The following TSPAN18 variants were observed in gnomAD, a reference collection of about 807,000 sequenced individuals.
The protein encoded by TSPAN18 is tetraspanin 18, also known as tetraspanin-18.
A neutral mutation model predicts 27.3 loss-of-function variants in TSPAN18; 14 were observed. The ratio of observed to expected loss-of-function variants is 0.51; its 90% CI spans 0.34 to 0.80. TSPAN18 has a LOEUF of 0.80. TSPAN18 is among the 30% of genes least tolerant of loss of function. TSPAN18 has a pLI of 0.01. For missense variants in TSPAN18, 268 were observed against 323.9 expected (o/e 0.83, Z 1.32); for synonymous variants, 143 against 136.5 (o/e 1.05, Z -0.33).
chr11:44,869,238 C>T (rs201752214), intron 3 of TSPAN18, among the ~76,000 whole-genome samples: 6 of 152,156 alleles, frequency 3.9e-5, no homozygotes, highest in African/African-American at 1.4e-4. Context: ...ATACCTGTAG[C>T]GATGGGGAGC....
chr11:44,919,233 C>T lies in TSPAN18; in HGVS notation c.353C>T (p.Thr118Ile), dbSNP rs746040832. The T allele has an allele frequency of 6.2e-7, 1 of 1,614,110 alleles. No individual in the cohort carries two copies. Among genetic ancestry groups the T allele is most frequent in the Non-Finnish European group, 8.5e-7 (1 of 1,179,986 alleles). Residue 118 changes from threonine (T) to isoleucine (I), a missense_variant, in exon 7 of 10, where the codon ACC (threonine) becomes ATC (isoleucine). By Grantham distance (89) the Thr-to-Ile change is moderately conservative. Coordinates refer to ENST00000520358, the MANE Select transcript of TSPAN18 (RefSeq NM_130783.5). ...CCCCAGCTCACCCGAGAATTCTTCA[C>T]CAAGGAGCTCACCAAGCACTACCAG... ...FRENLTREFF[T>I]KELTKHYQGN...
At chr11:44,928,172 G>A (rs1313041028) in intron 9 of TSPAN18, among the ~76,000 whole-genome samples, 1 of 152,138 alleles carries the variant, frequency 6.6e-6, no homozygotes, top group Admixed American at 6.5e-5. Flanking sequence ...CTGAGCTAGG[G>A]TCTCCCTGCC....
At chr11:44,768,355 G>A (rs761966818) in intron 2 of TSPAN18, among the ~76,000 whole-genome samples, 14 of 151,942 alleles carry the variant, frequency 9.2e-5, no homozygotes, top group Non-Finnish European at 1.3e-4. Context: ...ATTTCTTTAG[G>A]TGTTAATAGA....
chr11:44,750,759 C>G (rs1429293581), intron 1 of TSPAN18, among the ~76,000 whole-genome samples: 2 of 152,204 alleles, frequency 1.3e-5, no homozygotes, highest in Non-Finnish European at 2.9e-5. Flanking sequence ...TGAAACATCC[C>G]AGCTAGGATG....
intron 2 of TSPAN18, among the ~76,000 whole-genome samples, chr11:44,832,141 G>A (rs188776691): frequency 2.6e-5 from 4 of 152,284 alleles, no homozygotes; most frequent in Non-Finnish European, 4.4e-5. Flanking sequence ...TGACCCAGGC[G>A]TCATTATCCT....
At chr11:44,927,167 C>T (rs750570537) in intron 9 of TSPAN18, among the ~76,000 whole-genome samples, 18 of 152,244 alleles carry the variant, frequency 1.2e-4, no homozygotes, top group Non-Finnish European at 2.2e-4. Context: ...TCAGGGCCTA[C>T]AGGGCCTTAT....
At chr11:44,782,515 C>T (rs1266848284) in intron 2 of TSPAN18, among the ~76,000 whole-genome samples, 1 of 146,642 alleles carries the variant, frequency 6.8e-6, no homozygotes, top group Non-Finnish European at 1.5e-5. Context: ...TGCACTCCAG[C>T]TTGGGTGACA....
At chr11:44,796,126 GAAC>G (rs1404010788) in intron 2 of TSPAN18, among the ~76,000 whole-genome samples, 1 of 152,290 alleles carries the variant, frequency 6.6e-6, no homozygotes, top group East Asian at 1.9e-4. Context: ...TGCTTTTAAA[GAAC>G]AACAAGCTGA....
intron 9 of TSPAN18, among the ~76,000 whole-genome samples, chr11:44,928,601 C>T (rs891713071): frequency 1.3e-5 from 2 of 152,196 alleles, no homozygotes; most frequent in African/African-American, 4.8e-5. Context: ...TCCTGGCCAA[C>T]ATGGTGAAAC....
chr11:44,888,853 T>C (rs1039591580), intron 3 of TSPAN18, among the ~76,000 whole-genome samples: 2 of 152,232 alleles, frequency 1.3e-5, no homozygotes, highest in African/African-American at 4.8e-5. Context: ...GATGGTGATA[T>C]AGTTTGGCTG....
At chr11:44,890,437 T>A (rs2135280811) in intron 3 of TSPAN18, among the ~76,000 whole-genome samples, 1 of 152,328 alleles carries the variant, frequency 6.6e-6, no homozygotes, top group East Asian at 1.9e-4. Context: ...TGCTGGGAAT[T>A]TCTTGGCCGG....
At chr11:44,825,065 ATAGGGTGC>A (rs1857007123) in intron 2 of TSPAN18, among the ~76,000 whole-genome samples, 1 of 152,080 alleles carries the variant, frequency 6.6e-6, no homozygotes, top group Admixed American at 6.6e-5. Flanking sequence ...CCTTCCTTTT[ATAGGGTGC>A]TAGGTCAGAG....
chr11:44,835,642 T>A (rs1036905720), intron 2 of TSPAN18, among the ~76,000 whole-genome samples: 1 of 146,208 alleles, frequency 6.8e-6, no homozygotes, highest in African/African-American at 2.5e-5. Context: ...GGCGGGGGGA[T>A]AGGGGGCGGT....
Position 44,929,481 on chromosome 11 carries a change from C to A in TSPAN18, c.*303C>A. On this transcript the variant is annotated 3_prime_UTR_variant, in exon 10 of 10. Coordinates refer to ENST00000520358, the MANE Select transcript of TSPAN18 (RefSeq NM_130783.5). ...CCAAAGGAACACCAGGCCCAGCGCC[C>A]TCTTTGGTCCAGCCAGACCCTGGGC... is the stretch of plus-strand genomic sequence containing the variant. 2.5e-6 allele frequency: 1 copy of A among 405,254 alleles called. No homozygotes were observed. Among genetic ancestry groups the A allele is most frequent in the Non-Finnish European group, 4.4e-6 (1 of 226,476 alleles). 25.1% of individuals were successfully genotyped at this position (405,254 alleles called of 1,614,324 possible).
chr11:44,883,253 A>C (rs1272932075), intron 3 of TSPAN18, among the ~76,000 whole-genome samples: 1 of 152,224 alleles, frequency 6.6e-6, no homozygotes, highest in Non-Finnish European at 1.5e-5. Flanking sequence ...AGGCTGGCTC[A>C]TCAAATATTC....
chr11:44,735,864 G>A (rs1303667422), intron 1 of TSPAN18, among the ~76,000 whole-genome samples: 4 of 152,024 alleles, frequency 2.6e-5, no homozygotes, highest in African/African-American at 7.2e-5. Context: ...TGATCTGCCC[G>A]CCTCGGCCTC....
intron 3 of TSPAN18, among the ~76,000 whole-genome samples, chr11:44,888,961 G>A (rs1858753107): frequency 6.6e-6 from 1 of 152,200 alleles, no homozygotes; most frequent in Admixed American, 6.5e-5. Context: ...TTGTTCTCAT[G>A]ATAGTGAGTG....
chr11:44,740,950 T>A (rs1854918336), intron 1 of TSPAN18, among the ~76,000 whole-genome samples: 1 of 152,214 alleles, frequency 6.6e-6, no homozygotes, highest in African/African-American at 2.4e-5. Context: ...GCTAATTTTT[T>A]TGTATTTTTA....
intron 2 of TSPAN18, among the ~76,000 whole-genome samples, chr11:44,824,944 T>C (rs190072762): frequency 6.6e-6 from 1 of 152,196 alleles, no homozygotes; most frequent in African/African-American, 2.4e-5. Flanking sequence ...CTCATCCTTG[T>C]CCTCCCTACA....
Sources: gnomAD v4.1 joint callset for allele counts (sites outside exome capture counted in the v4.1 genomes callset) on GRCh38, gnomAD v4.1.1 for gene constraint, MANE v1.5 for transcripts, NCBI Gene and HGNC (gene_info 2026-07-23, HGNC 2026-07-21) for gene names.